DDX60L: variants seen among roughly 807,000 people sequenced by gnomAD.
DDX60L encodes probable ATP-dependent RNA helicase DDX60-like.
DDX60L carries 191 observed loss-of-function variants against 211.6 expected under a neutral mutation model. That is an observed-to-expected ratio of 0.90 (90% CI 0.80 to 1.02). DDX60L has a LOEUF of 1.02. Among genes scored for constraint, DDX60L ranks in the 50% least tolerant of loss-of-function variants. The probability of loss-of-function intolerance (pLI) is 0.00; values close to 1 mark genes in which losing one functional copy is unlikely to be tolerated. For missense variants in DDX60L, 2,007 were observed against 1,984.1 expected, an observed-to-expected ratio of 1.01 and a Z score of -0.22; for synonymous variants, 706 against 694.1, an observed-to-expected ratio of 1.02 and a Z score of -0.27.
chr4:168,398,768 C>G (rs1338836140), intron 26 of DDX60L, among the ~76,000 whole-genome samples: 1 of 152,054 alleles, frequency 6.6e-6, no homozygotes, highest in Non-Finnish European at 1.5e-5. Context: ...TCCAGGGTCT[C>G]CTCTCTGCTG....
chr4:168,430,387 A>G, intron 13 of DDX60L, 91 bp downstream of exon 13: 1 of 1,120,988 alleles, frequency 8.9e-7, no homozygotes, highest in South Asian at 1.9e-5. Flanking sequence ...GAGAAAGAAG[A>G]GAATGGAAGA....
chr4:168,466,481 G>A (rs1758001877), intron 4 of DDX60L, among the ~76,000 whole-genome samples: 1 of 152,124 alleles, frequency 6.6e-6, no homozygotes, highest in Non-Finnish European at 1.5e-5. Context: ...CAGTATATCA[G>A]GTTATAGAAT....
At chr4:168,460,279 C>T (rs1757147527) in intron 5 of DDX60L, among the ~76,000 whole-genome samples, 1 of 152,136 alleles carries the variant, frequency 6.6e-6, no homozygotes, top group African/African-American at 2.4e-5. Context: ...GTCAACTATA[C>T]CAAAATAATG....
At chr4:168,447,867 G>A (rs1461034665) in intron 9 of DDX60L, among the ~76,000 whole-genome samples, 3 of 135,226 alleles carry the variant, frequency 2.2e-5, no homozygotes, top group African/African-American at 8.3e-5. Context: ...ATCACACTCT[G>A]GGGACTGTTG....
At chr4:168,449,665 A>AAAAAAAAAAAAAAAAAAAAT (rs1755474696) in intron 8 of DDX60L, among the ~76,000 whole-genome samples, 2 of 28,500 alleles carry the variant, frequency 7.0e-5, no homozygotes, top group Non-Finnish European at 1.2e-4. Flanking sequence ...AAAAAAAAAA[A>AAAAAAAAAAAAAAAAAAAAT]GAAAAAAGAA....
Position 168,470,888 on chromosome 4 carries a change from T to C in DDX60L, c.264+859A>G, listed in dbSNP as rs185045857. 8.2e-4 allele frequency: 210 copies of C among 257,552 alleles called. 1 individual carries two copies. Among genetic ancestry groups the C allele is most frequent in the Non-Finnish European group, 1.2e-3 (155 of 129,006 alleles). 16.0% of individuals were successfully genotyped at this position (257,552 alleles called of 1,614,324 possible). On this transcript the variant is annotated intron_variant, in intron 4 of 37. Transcript: ENST00000682922. ...CAACAGGCAAAACTCAAGAAGGCAA[T>C]AGAAAGGATTTAAACAGTGGTTGCT...
rs551386346 is a variant in DDX60L at position 168,472,705 on chromosome 4, C to T, written c.-6G>A. ...AAAGATTGAGAATTACCCATCGTTG[C>T]TGCTTCTTGGGCTACAGGGTAGAAG... On this transcript the variant is annotated 5_prime_UTR_variant, in exon 2 of 38. Coordinates refer to ENST00000682922, the MANE Select transcript of DDX60L (RefSeq NM_001012967.3). 51 of 1,613,342 alleles carry T rather than the reference C, an allele frequency of 3.2e-5. 1 individual carries two copies. The highest frequency in any genetic ancestry group is 2.5e-4 in the Admixed American group (15 of 59,946).
intron 2 of DDX60L, 37 bp downstream of exon 2, chr4:168,472,653 ATTGTTG>A: frequency 6.2e-7 from 1 of 1,609,670 alleles, no homozygotes; most frequent in Non-Finnish European, 8.5e-7. Context: ...ATCTTACAAG[ATTGTTG>A]CTTTATAGGC....
chr4:168,370,884 G>A (rs892337681), intron 36 of DDX60L, among the ~76,000 whole-genome samples: 4 of 150,742 alleles, frequency 2.7e-5, no homozygotes, highest in African/African-American at 4.9e-5. Flanking sequence ...AATTCTTCAC[G>A]TTCCATGTGA....
At chr4:168,470,573 TA>T in intron 4 of DDX60L, 1 of 152,682 alleles carries the variant, frequency 6.5e-6, no homozygotes, top group Admixed American at 6.5e-5. Context: ...TGTAAAATTC[TA>T]TTTATTAAAA....
At chr4:168,417,091 C>T (rs1749697462) in intron 19 of DDX60L, among the ~76,000 whole-genome samples, 2 of 152,308 alleles carry the variant, frequency 1.3e-5, no homozygotes, top group Non-Finnish European at 2.9e-5. Context: ...CTTTCTACAA[C>T]AGCCTTCTGA....
chr4:168,457,940 T>C lies in DDX60L; in HGVS notation c.675A>G (p.Val225=). The part of the protein sequence containing the change: ...IQHLEEIRVL[V]LATHFEHLKW... The stretch of plus-strand genomic sequence containing the variant: ...TCAAATGTTCAAAATGAGTTGCTAA[T>C]ACTAAAACCCTTATTTCTTCCAAGT... Residue 225 remains valine (V), a synonymous_variant, in exon 6 of 38, where the codon GTA becomes GTG. Coordinates refer to ENST00000682922, the MANE Select transcript of DDX60L (RefSeq NM_001012967.3). 2 of 1,571,790 alleles carry C rather than the reference T, an allele frequency of 1.3e-6. No homozygotes were observed. Among genetic ancestry groups the C allele is most frequent in the South Asian group, 1.2e-5 (1 of 85,498 alleles).
chr4:168,416,472 T>C (rs947472378), intron 20 of DDX60L, among the ~76,000 whole-genome samples: 32 of 152,168 alleles, frequency 2.1e-4, no homozygotes, highest in African/African-American at 7.5e-4. Context: ...TGGTCCCAGC[T>C]ACTCAGGAGG....
intron 1 of DDX60L, among the ~76,000 whole-genome samples, chr4:168,475,103 G>C (rs1234580260): frequency 6.6e-6 from 1 of 152,218 alleles, no homozygotes; most frequent in East Asian, 1.9e-4. Flanking sequence ...CAGGATGCCT[G>C]GGTTGAATTC....
At chr4:168,422,051 T>C in intron 16 of DDX60L, 142 bp from the exon 17 acceptor site, 1 of 969,122 alleles carries the variant, frequency 1.0e-6, no homozygotes, top group Non-Finnish European at 1.5e-6. Flanking sequence ...GAAGATTAGG[T>C]CTGGTGAACA....
chr4:168,417,959 T>C (rs1749858048), intron 19 of DDX60L, among the ~76,000 whole-genome samples: 1 of 152,256 alleles, frequency 6.6e-6, no homozygotes, highest in Non-Finnish European at 1.5e-5. Flanking sequence ...TAATCTTATA[T>C]TTTGTATCAG....
intron 9 of DDX60L, 104 bp downstream of exon 9, chr4:168,448,534 G>A (rs1579723061): frequency 2.4e-6 from 2 of 832,984 alleles, no homozygotes; most frequent in Non-Finnish European, 3.7e-6. Context: ...CACACACAAA[G>A]GTTTTCAAGA....
At chr4:168,478,859 AG>A (rs1219543375) in intron 1 of DDX60L, among the ~76,000 whole-genome samples, 1 of 152,218 alleles carries the variant, frequency 6.6e-6, no homozygotes. Flanking sequence ...TGTGAGACTA[AG>A]TATGAAGGGG....
chr4:168,366,847 T>C (rs1181518115), intron 36 of DDX60L, among the ~76,000 whole-genome samples: 1 of 152,006 alleles, frequency 6.6e-6, no homozygotes, highest in Non-Finnish European at 1.5e-5. Context: ...ACCCAACTGA[T>C]TTTTTATAAA....
Sources: allele counts gnomAD v4.1 joint callset (sites outside exome capture counted in the v4.1 genomes callset), GRCh38; gene constraint gnomAD v4.1.1; transcripts MANE v1.5; gene names NCBI Gene and HGNC (gene_info 2026-07-23, HGNC 2026-07-21).